LMBR1: variants seen among roughly 807,000 people sequenced by gnomAD.
The protein encoded by LMBR1 is limb region 1 protein homolog.
Under a neutral mutation model 73.9 loss-of-function variants are expected in LMBR1, and 52 were observed. The observed-to-expected ratio is 0.70, with a 90% CI of 0.56 to 0.89. The LOEUF (loss-of-function observed/expected upper bound fraction) is 0.89. LMBR1 is among the 40% of genes least tolerant of loss of function. The pLI is 0.00. For synonymous variants in LMBR1, 215 were observed against 209.4 expected, an observed-to-expected ratio of 1.03 and a Z score of -0.23; for missense variants, 539 against 579.8, an observed-to-expected ratio of 0.93 and a Z score of 0.72.
intron 1 of LMBR1, among the ~76,000 whole-genome samples, chr7:156,853,968 A>AT (rs562526488): frequency 1.5e-4 from 19 of 123,470 alleles, no homozygotes; most frequent in East Asian, 8.5e-4. Flanking sequence ...ATAGAATAAA[A>AT]TTAAAAAAAA....
At chr7:156,702,242 C>T (rs1391409760) in intron 15 of LMBR1, among the ~76,000 whole-genome samples, 1 of 152,212 alleles carries the variant, frequency 6.6e-6, no homozygotes, top group Non-Finnish European at 1.5e-5. Context: ...TTCCCAACAA[C>T]AGTGTAAAAG....
At chr7:156,739,062 T>C (rs1438395335) in intron 9 of LMBR1, among the ~76,000 whole-genome samples, 1 of 152,100 alleles carries the variant, frequency 6.6e-6, no homozygotes, top group Non-Finnish European at 1.5e-5. Context: ...TTGAACAGCA[T>C]TTCTAGACCT....
intron 5 of LMBR1, among the ~76,000 whole-genome samples, chr7:156,772,365 A>T (rs1825353560): frequency 1.3e-5 from 2 of 152,214 alleles, no homozygotes; most frequent in African/African-American, 4.8e-5. Context: ...TCAACAAACT[A>T]GGCTTTGAAG....
rs538637978 is a variant in LMBR1 at position 156,892,233 on chromosome 7, A to G, written c.66+695T>C. Among the ~76,000 whole-genome samples the G allele has an allele frequency of 6.6e-5, 10 of 152,320 alleles. No individual in the cohort carries two copies. The East Asian group carries it at 1.9e-3, about 29-fold the overall frequency. ...TTTGCTGAGGTCCTCACTCCCAAAA[A>G]TAACCAATATTCTCATCCCAAACGG... On this transcript the variant is annotated intron_variant, in intron 1 of 16. Coordinates refer to ENST00000353442, the MANE Select transcript of LMBR1 (RefSeq NM_022458.4).
chr7:156,885,285 G>A (rs1057018511), intron 1 of LMBR1, among the ~76,000 whole-genome samples: 5 of 151,584 alleles, frequency 3.3e-5, no homozygotes, highest in South Asian at 2.1e-4. Flanking sequence ...TCTGGAAGGC[G>A]GAGGTTGCAG....
rs373103286 is a variant in LMBR1 at position 156,686,385 on chromosome 7, A to G, written c.1387+1645T>C. On this transcript the variant is annotated intron_variant, in intron 16 of 16. Transcript: ENST00000353442. ...TAGCAGAGGGGAAAAAATCTCTACA[A>G]AAAAAAAGAAAGAAAGGGGATAGCT... Among the ~76,000 whole-genome samples, 81 of 152,094 alleles carry G rather than the reference A, an allele frequency of 5.3e-4. No homozygotes were observed. In the Middle Eastern group the frequency reaches 0.01, roughly 19 times the overall value.
chr7:156,877,745 C>T lies in LMBR1; in HGVS notation c.66+15183G>A, dbSNP rs189809839. Among the ~76,000 whole-genome samples the T allele has an allele frequency of 9.1e-3, 1,384 of 151,952 alleles. 24 individuals carry two copies. Among genetic ancestry groups the T allele is most frequent in the African/African-American group, 0.032 (1,323 of 41,446 alleles). ...AAAAATACAAAAAATTAGCTGGGCG[C>T]GGTGGCAGGCGCCTGTAGTCCCAGC... On this transcript the variant is annotated intron_variant, in intron 1 of 16. Transcript: ENST00000353442.
At chr7:156,700,264 C>T (rs1002441708) in intron 15 of LMBR1, among the ~76,000 whole-genome samples, 1 of 152,060 alleles carries the variant, frequency 6.6e-6, no homozygotes, top group Non-Finnish European at 1.5e-5. Context: ...AAACTGGAAA[C>T]CATCATTCTC....
At chr7:156,889,326 C>G (rs1443134188) in intron 1 of LMBR1, among the ~76,000 whole-genome samples, 1 of 151,626 alleles carries the variant, frequency 6.6e-6, no homozygotes, top group Non-Finnish European at 1.5e-5. Context: ...GTATTTAACG[C>G]CACTGAACTG....
At chr7:156,747,337 G>A (rs1389865100) in intron 9 of LMBR1, among the ~76,000 whole-genome samples, 1 of 152,018 alleles carries the variant, frequency 6.6e-6, no homozygotes, top group Non-Finnish European at 1.5e-5. Flanking sequence ...TTATTCTTAA[G>A]CTGAAAAACT....
chr7:156,878,634 G>C (rs1166320891), intron 1 of LMBR1, among the ~76,000 whole-genome samples: 2 of 152,090 alleles, frequency 1.3e-5, no homozygotes. Context: ...ACTGCCAAAA[G>C]CAATCTACAA....
chr7:156,707,499 C>T (rs180881043), intron 15 of LMBR1, among the ~76,000 whole-genome samples: 13 of 152,210 alleles, frequency 8.5e-5, no homozygotes, highest in Non-Finnish European at 1.5e-4. Context: ...AATCCAACAG[C>T]ACATCAAAAA....
chr7:156,787,772 A>G (rs1828409692), intron 5 of LMBR1, among the ~76,000 whole-genome samples: 1 of 151,994 alleles, frequency 6.6e-6, no homozygotes, highest in South Asian at 2.1e-4. Flanking sequence ...ATATAACTGG[A>G]TCTTTTTTTC....
At chr7:156,864,659 AT>A (rs1186323027) in intron 1 of LMBR1, among the ~76,000 whole-genome samples, 12 of 152,236 alleles carry the variant, frequency 7.9e-5, no homozygotes, top group Non-Finnish European at 1.6e-4. Context: ...ATACTTCTTA[AT>A]TTTCTAAACC....
At chr7:156,747,648 C>T (rs1820085453) in intron 9 of LMBR1, among the ~76,000 whole-genome samples, 1 of 152,050 alleles carries the variant, frequency 6.6e-6, no homozygotes, top group East Asian at 1.9e-4. Flanking sequence ...ATACCTCTAA[C>T]ATAAACAGAT....
intron 9 of LMBR1, among the ~76,000 whole-genome samples, chr7:156,749,658 G>C (rs140760464): frequency 6.6e-6 from 1 of 152,128 alleles, no homozygotes; most frequent in Admixed American, 6.6e-5. Flanking sequence ...GTGCTTTTAA[G>C]AATAAATAAT....
At chr7:156,888,614 T>C (rs1802354986) in intron 1 of LMBR1, among the ~76,000 whole-genome samples, 1 of 151,340 alleles carries the variant, frequency 6.6e-6, no homozygotes, top group Non-Finnish European at 1.5e-5. Flanking sequence ...AAGAAAATAT[T>C]ATTCAGCCTG....
Position 156,820,652 on chromosome 7 carries a change from C to T in LMBR1, c.319+5953G>A, listed in dbSNP as rs369537732. Among the ~76,000 whole-genome samples, 121 of 152,270 alleles carry T rather than the reference C, an allele frequency of 7.9e-4. 2 individuals are homozygous for T. The South Asian group carries it at 0.015, about 19-fold the overall frequency. On this transcript the variant is annotated intron_variant, in intron 4 of 16. Transcript: ENST00000353442. ...GTGAAGGATAAATTGTTGAATCTGG[C>T]GCCTCCTGCATCAAAAAAGAGGCAT...
intron 4 of LMBR1, among the ~76,000 whole-genome samples, chr7:156,799,705 C>T (rs1456262797): frequency 6.6e-6 from 1 of 151,946 alleles, no homozygotes; most frequent in African/African-American, 2.4e-5. Flanking sequence ...AAGCTAGAAG[C>T]TTAGTGAGGA....
Sources: gnomAD v4.1 joint callset for allele counts (sites outside exome capture counted in the v4.1 genomes callset) on GRCh38, gnomAD v4.1.1 for gene constraint, MANE v1.5 for transcripts, NCBI Gene and HGNC (gene_info 2026-07-23, HGNC 2026-07-21) for gene names.